RNF207: variants seen among roughly 807,000 people sequenced by gnomAD.
RNF207 encodes ring finger protein 207.
Under a neutral mutation model 79.0 loss-of-function variants are expected in RNF207, and 72 were observed. The observed-to-expected ratio is 0.91, with a 90% CI of 0.75 to 1.11. The LOEUF is 1.11. RNF207 is among the 50% of genes least tolerant of loss of function. The pLI, the probability that RNF207 is intolerant of heterozygous loss-of-function variation, is 0.00. For synonymous variants in RNF207, 348 were observed against 366.2 expected, an observed-to-expected ratio of 0.95 and a Z score of 0.57; for missense variants, 936 against 855.8, an observed-to-expected ratio of 1.09 and a Z score of -1.17.
rs1288790762 is a variant in RNF207, at chr1:6,211,995, C to T, written c.1238C>T (p.Ala413Val). The T allele has an allele frequency of 6.3e-7, 1 of 1,588,736 alleles. No individual in the cohort carries two copies. The highest frequency in any genetic ancestry group is 8.6e-7 in the Non-Finnish European group (1 of 1,168,596). The change falls in exon 13 of 18, where the codon GCG (alanine) becomes GTG (valine). Residue 413 changes from alanine (A) to valine (V), a missense_variant. Coordinates refer to ENST00000377939, the MANE Select transcript of RNF207 (RefSeq NM_207396.3). The surrounding 1 kb of genome is among the most constrained non-coding windows in gnomAD (Gnocchi z 4.2). ...TCCATCAGCACCAAGGTGCTGCTGG[C>T]GGAGGGCGAGAACACGCCCTTCGCA... Reference protein sequence around the residue: ...HRSISTKVLLAEGENTPFAEH... With the variant: ...HRSISTKVLLVEGENTPFAEH...
intron 10 of RNF207, 126 bp from the exon 11 acceptor site, chr1:6,210,744 G>C (rs1668128397): frequency 2.3e-6 from 2 of 851,970 alleles, no homozygotes; most frequent in Non-Finnish European, 3.8e-6. Flanking sequence ...TCCCAGAAGA[G>C]GGCTGGCGCT....
intron 16 of RNF207, among the ~76,000 whole-genome samples, chr1:6,215,281 G>C (rs1392833972): frequency 6.6e-6 from 1 of 151,486 alleles, no homozygotes; most frequent in Non-Finnish European, 1.5e-5. Flanking sequence ...GCCTGCCTCA[G>C]CTTCCCAAAG....
intron 16 of RNF207, among the ~76,000 whole-genome samples, chr1:6,214,529 A>G (rs1307287160): frequency 1.3e-5 from 2 of 151,538 alleles, no homozygotes; most frequent in African/African-American, 2.4e-5. Context: ...CAGCCTCCCA[A>G]GTAGCTGGGA....
In RNF207 at chr1:6,207,916, G is replaced by A. The variant is rs1447312390; in HGVS notation, c.324+405G>A. On this transcript the variant is annotated intron_variant, in intron 3 of 17. Coordinates refer to ENST00000377939, the MANE Select transcript of RNF207 (RefSeq NM_207396.3). The surrounding 1 kb of genome is among the most constrained non-coding windows in gnomAD (Gnocchi z 4.5). ...GGGGACAGCATGCTGTTCCCTCTGG[G>A]CTGTAAAAGGCACAGGGGACTCTGG... 9 of 365,002 alleles carry A rather than the reference G, an allele frequency of 2.5e-5. No individual in the cohort carries two copies. Among genetic ancestry groups the A allele is most frequent in the Non-Finnish European group, 4.3e-5 (8 of 184,408 alleles). 22.6% of individuals were successfully genotyped at this position (365,002 alleles called of 1,614,324 possible). A position where few individuals can be genotyped will look rare whatever the true frequency, so the allele number is the denominator to read the frequency against.
intron 16 of RNF207, among the ~76,000 whole-genome samples, chr1:6,215,153 C>T (rs544792372): frequency 7.2e-5 from 11 of 151,752 alleles, no homozygotes; most frequent in Admixed American, 1.3e-4. Context: ...CTCAGCCTCC[C>T]GAGTAGCTGG....
chr1:6,206,364 T>C (rs919282897), intron 1 of RNF207, 62 bp downstream of exon 1: 4 of 586,026 alleles, frequency 6.8e-6, no homozygotes, highest in Non-Finnish European at 1.2e-5. Context: ...GCCGGGGAGC[T>C]CCAGGCCCCA....
rs758933573 is a variant in RNF207 at position 6,206,528 on chromosome 1, C to G, written c.1-8C>G. 1.9e-6 allele frequency: 3 copies of G among 1,555,484 alleles called. No homozygotes were observed. Among genetic ancestry groups the G allele is most frequent in the Non-Finnish European group, 2.6e-6 (3 of 1,159,510 alleles). ...TGCCCCAGCCGCCCGCTTGCGCTGTCGCTGCAGATGTCGGGAGCTATCTTC... is the reference window on the plus strand; with the variant it reads ...TGCCCCAGCCGCCCGCTTGCGCTGTGGCTGCAGATGTCGGGAGCTATCTTC... On this transcript the variant is annotated splice_polypyrimidine_tract_variant and splice_region_variant and intron_variant, in intron 1 of 17. Coordinates refer to ENST00000377939, the MANE Select transcript of RNF207 (RefSeq NM_207396.3).
In RNF207 at chr1:6,211,731, C is replaced by T. The variant is rs759207470; in HGVS notation, c.1110-136C>T. 39 of 625,656 alleles carry T rather than the reference C, an allele frequency of 6.2e-5. No homozygotes were observed. Among genetic ancestry groups the T allele is most frequent in the Non-Finnish European group, 1.0e-4 (37 of 357,218 alleles). 38.8% of individuals were successfully genotyped at this position (625,656 alleles called of 1,614,324 possible). ...AGGCCTTGCCTCAGCCTTTTCAAAT[C>T]TCCTGGTGGCTCTGCTGTGCTCCAG... On this transcript the variant is annotated intron_variant, in intron 12 of 17. Transcript: ENST00000377939. The surrounding 1 kb of genome is among the most constrained non-coding windows in gnomAD (Gnocchi z 4.2).
chr1:6,220,513 ACT>A lies in RNF207; in HGVS notation c.*1108_*1109del, dbSNP rs1240070245. The A allele has an allele frequency of 1.3e-5, 2 of 152,184 alleles. No homozygotes were observed. Among genetic ancestry groups the A allele is most frequent in the African/African-American group, 4.8e-5 (2 of 41,432 alleles). The allele number at this position is 152,184 out of a possible 1,614,324, so 9.4% of individuals were successfully genotyped here. A position where few individuals can be genotyped will look rare whatever the true frequency, so the allele number is the denominator to read the frequency against. ...GTTCCACACAGTAATCTGAGCAGTG[ACT>A]CATGGAAGGATGAGGAACGTTTGCT... On this transcript the variant is annotated 3_prime_UTR_variant, in exon 18 of 18. Transcript: ENST00000377939.
chr1:6,207,388 G>A lies in RNF207; in HGVS notation c.201G>A (p.Thr67=), dbSNP rs754574182. The A allele has an allele frequency of 7.0e-5, 106 of 1,517,556 alleles. No individual in the cohort carries two copies. The highest frequency in any genetic ancestry group is 8.7e-5 in the Non-Finnish European group (98 of 1,132,504). The allele number at this position is 1,517,556 out of a possible 1,614,324, so 94.0% of individuals were successfully genotyped here. Residue 67 remains threonine (T), a synonymous_variant, in exon 3 of 18, where the codon ACG becomes ACA. Transcript: ENST00000377939. The surrounding 1 kb of genome is among the most constrained non-coding windows in gnomAD (Gnocchi z 4.5). ...RLTCPLCQHQ[T]VLKGPSGLPP... ...CTGGGCTTCTCTGCAGACACCAGAC[G>A]GTGCTGAAGGGTCCCAGCGGGCTCC... is the stretch of plus-strand genomic sequence containing the variant.
At position 6,217,031 on chromosome 1, in the gene RNF207, G is replaced by A. The variant is rs530155929; in HGVS notation, c.1653-1258G>A. Among the ~76,000 whole-genome samples, 9 of 152,000 alleles carry A rather than the reference G, an allele frequency of 5.9e-5. No homozygotes were observed. In the South Asian group the frequency reaches 1.2e-3, roughly 21 times the overall value. On this transcript the variant is annotated intron_variant, in intron 16 of 17. Transcript: ENST00000377939. The surrounding 1 kb of genome is among the most constrained non-coding windows in gnomAD (Gnocchi z 4.2). ...ACTACAGGCATGTGCCACCATGCCC[G>A]GCTAATTTTTATAGTTTTGGTAGAG... is the stretch of plus-strand genomic sequence containing the variant.
Position 6,207,810 on chromosome 1 carries a change from G to A in RNF207, c.324+299G>A. On this transcript the variant is annotated intron_variant, in intron 3 of 17. Coordinates refer to ENST00000377939, the MANE Select transcript of RNF207 (RefSeq NM_207396.3). The surrounding 1 kb of genome is among the most constrained non-coding windows in gnomAD (Gnocchi z 4.5). ...GTTGTGGACCTGCACAGGAGGGGCA[G>A]TCCAGTTTGCAGGCCTGGGCCGACC... The A allele has an allele frequency of 1.7e-6, 1 of 599,182 alleles. No individual in the cohort carries two copies. The allele number at this position is 599,182 out of a possible 1,614,324, so 37.1% of individuals were successfully genotyped here. A position where few individuals can be genotyped will look rare whatever the true frequency, so the allele number is the denominator to read the frequency against.
chr1:6,211,864 C>G lies in RNF207; in HGVS notation c.1110-3C>G. 6.5e-7 allele frequency: 1 copy of G among 1,547,246 alleles called. No homozygotes were observed. The highest frequency in any genetic ancestry group is 1.2e-5 in the South Asian group (1 of 83,908). On this transcript the variant is annotated splice_region_variant and splice_polypyrimidine_tract_variant and intron_variant, in intron 12 of 17. Coordinates refer to ENST00000377939, the MANE Select transcript of RNF207 (RefSeq NM_207396.3). This position sits in a 1 kb window ranked among gnomAD's most constrained non-coding sequence, Gnocchi z 4.2. ...CCTGCATCCACACTGGCTCTCTCCC[C>G]AGGCTGGCAGGGGGCTTAGGCCCCA... is the stretch of plus-strand genomic sequence containing the variant.
chr1:6,210,095 G>A (rs944615030), intron 8 of RNF207, 125 bp downstream of exon 8: 31 of 1,309,470 alleles, frequency 2.4e-5, no homozygotes, highest in East Asian at 1.2e-4. Flanking sequence ...CAGCTAAGGA[G>A]GGCAGCATGG....
Position 6,206,585 on chromosome 1 carries a change from C to T in RNF207, c.50C>T (p.Ala17Val). Residue 17 changes from alanine to valine, a missense_variant, in exon 2 of 18, where the codon GCC becomes GTC. Transcript: ENST00000377939. Reference sequence around the variant, plus strand: ...CTGGAGGGCCCGAGCTCCCTGGATGCCCCGAGCATCCACCCGCTGGTGTGC... The same window carrying T: ...CTGGAGGGCCCGAGCTCCCTGGATGTCCCGAGCATCCACCCGCTGGTGTGC... Reference protein sequence around the residue: ...GPLEGPSSLDAPSIHPLVCPL... With the variant: ...GPLEGPSSLDVPSIHPLVCPL... 1 of 1,603,048 alleles carries T rather than the reference C, an allele frequency of 6.2e-7. No homozygotes were observed.
intron 16 of RNF207, 149 bp downstream of exon 16, chr1:6,213,332 C>T: frequency 1.8e-6 from 1 of 543,506 alleles, no homozygotes. Flanking sequence ...ACCAGCCTGG[C>T]CAACATGGTG....
chr1:6,207,368 C>G lies in RNF207; in HGVS notation c.192-11C>G, dbSNP rs756421410. 1 of 1,501,512 alleles carries G rather than the reference C, an allele frequency of 6.7e-7. No individual in the cohort carries two copies. Among genetic ancestry groups the G allele is most frequent in the South Asian group, 1.4e-5 (1 of 72,984 alleles). 93.0% of individuals were successfully genotyped at this position (1,501,512 alleles called of 1,614,324 possible). ...GGGTATCAGAATCTCGGGGCCTGGG[C>G]TTCTCTGCAGACACCAGACGGTGCT... On this transcript the variant is annotated splice_polypyrimidine_tract_variant and intron_variant, in intron 2 of 17. Transcript: ENST00000377939. The surrounding 1 kb of genome is among the most constrained non-coding windows in gnomAD (Gnocchi z 4.5).
rs917511969 is a variant in RNF207 at position 6,220,954 on chromosome 1, T to C, written c.*1547T>C. 6.6e-6 allele frequency: 1 copy of C among 152,220 alleles called. No individual in the cohort carries two copies. Among genetic ancestry groups the C allele is most frequent in the Non-Finnish European group, 1.5e-5 (1 of 68,038 alleles). 9.4% of individuals were successfully genotyped at this position (152,220 alleles called of 1,614,324 possible). A position where few individuals can be genotyped will look rare whatever the true frequency, so the allele number is the denominator to read the frequency against. On this transcript the variant is annotated 3_prime_UTR_variant, in exon 18 of 18. Coordinates refer to ENST00000377939, the MANE Select transcript of RNF207 (RefSeq NM_207396.3). Reference sequence around the variant, plus strand: ...TTCAACACATAACACATCACTCACATTGACGTCCACTGTCCCTGCACCTGC... The same window carrying C: ...TTCAACACATAACACATCACTCACACTGACGTCCACTGTCCCTGCACCTGC...
In RNF207 at chr1:6,206,616, G is replaced by C; in HGVS notation, c.81G>C (p.Leu27=). ...APSIHPLVCP[L]CHVQYERPCL... is the part of the protein sequence containing the mutation. ...GCATCCACCCGCTGGTGTGCCCGCT[G>C]TGCCACGTGCAGTACGAGCGCCCGT... Residue 27 remains leucine (L), a synonymous_variant, in exon 2 of 18, where the codon CTG becomes CTC. Coordinates refer to ENST00000377939, the MANE Select transcript of RNF207 (RefSeq NM_207396.3). The C allele has an allele frequency of 6.2e-7, 1 of 1,607,618 alleles. No individual in the cohort carries two copies. The highest frequency in any genetic ancestry group is 1.1e-5 in the South Asian group (1 of 91,060).
Sources: gnomAD v4.1 joint callset for allele counts (sites outside exome capture counted in the v4.1 genomes callset) on GRCh38, gnomAD v4.1.1 for gene constraint, Gnocchi (gnomAD v3.1) non-coding constraint, MANE v1.5 for transcripts, NCBI Gene and HGNC (gene_info 2026-07-23, HGNC 2026-07-21) for gene names.